DHX34: variants seen among roughly 807,000 people sequenced by gnomAD.
DHX34 encodes the protein probable ATP-dependent RNA helicase DHX34.
DHX34 carries 96 observed loss-of-function variants against 111.1 expected under a neutral mutation model. The ratio of observed to expected loss-of-function variants is 0.86; its 90% CI spans 0.73 to 1.02. The LOEUF (loss-of-function observed/expected upper bound fraction) is 1.02, where lower values mean the gene tolerates loss of function less well. DHX34 is among the 50% of genes least tolerant of loss of function. The pLI is 0.00. For synonymous variants in DHX34, 688 were observed against 670.4 expected (o/e 1.03, Z -0.41); for missense variants, 1,560 against 1,579.9 (o/e 0.99, Z 0.21).
intron 7 of DHX34, among the ~76,000 whole-genome samples, chr19:47,369,157 C>G (rs1447358287): frequency 6.6e-6 from 1 of 152,190 alleles, no homozygotes; most frequent in Middle Eastern, 3.2e-3. Context: ...GGATTGCAGA[C>G]TTGAGCCACC....
At chr19:47,360,868 C>T (rs1393937907) in intron 5 of DHX34, among the ~76,000 whole-genome samples, 1 of 152,004 alleles carries the variant, frequency 6.6e-6, no homozygotes, top group East Asian at 1.9e-4. Flanking sequence ...GATGGGGTTT[C>T]ACCATGTTGG....
rs1299735099 is a variant in DHX34 at position 47,353,684 on chromosome 19, C to T, written c.654C>T (p.Ile218=). Residue 218 remains isoleucine, a synonymous_variant, in exon 2 of 17, where the codon ATC becomes ATT. Coordinates refer to ENST00000328771, the MANE Select transcript of DHX34 (RefSeq NM_014681.6). The surrounding 1 kb of genome is among the most constrained non-coding windows in gnomAD (Gnocchi z 4.6). ...CCCAGCCCCGGCGGATCGCCTGCAT[C>T]TCACTGGCCAAGCGTGTGGGCTTTG... ...ACTQPRRIAC[I]SLAKRVGFES... is the part of the protein sequence containing the mutation. 5 of 1,611,760 alleles carry T rather than the reference C, an allele frequency of 3.1e-6. No individual in the cohort carries two copies. Among genetic ancestry groups the T allele is most frequent in the Non-Finnish European group, 4.2e-6 (5 of 1,179,224 alleles).
chr19:47,354,907 GCC>G (rs1057357994), intron 2 of DHX34, 130 bp from the exon 3 acceptor site: 3 of 1,475,656 alleles, frequency 2.0e-6, no homozygotes, highest in Non-Finnish European at 2.7e-6. Context: ...GCCCGCCTCT[GCC>G]TCCCAAAGTG....
Position 47,353,936 on chromosome 19 carries a change from A to G in DHX34, c.705+201A>G, listed in dbSNP as rs1385335303. ...GCATTAACCAGTGTAGCACTTTAAC[A>G]GCAAAACAATGGGAAATGTCCTAAA... is the stretch of plus-strand genomic sequence containing the variant. On this transcript the variant is annotated intron_variant, in intron 2 of 16. Coordinates refer to ENST00000328771, the MANE Select transcript of DHX34 (RefSeq NM_014681.6). This position sits in a 1 kb window ranked among gnomAD's most constrained non-coding sequence, Gnocchi z 4.6. Among the ~76,000 whole-genome samples the G allele has an allele frequency of 2.6e-5, 4 of 152,210 alleles. No individual in the cohort carries two copies.
Position 47,379,996 on chromosome 19 carries a change from C to G in DHX34, c.2982+11C>G. The G allele has an allele frequency of 6.4e-7, 1 of 1,567,744 alleles. No homozygotes were observed. Among genetic ancestry groups the G allele is most frequent in the South Asian group, 1.2e-5 (1 of 86,158 alleles). On this transcript the variant is annotated intron_variant, in intron 14 of 16. Coordinates refer to ENST00000328771, the MANE Select transcript of DHX34 (RefSeq NM_014681.6). ...TTCACGGCATCCAAGGTACCCTCCACCAGGGTGCCCGTGCCTCCCTATGGC... is the reference window on the plus strand; with the variant it reads ...TTCACGGCATCCAAGGTACCCTCCAGCAGGGTGCCCGTGCCTCCCTATGGC...
intron 6 of DHX34, among the ~76,000 whole-genome samples, chr19:47,365,881 T>C (rs1419900247): frequency 1.3e-5 from 2 of 152,200 alleles, no homozygotes; most frequent in African/African-American, 4.8e-5. Context: ...GGGATTCTTT[T>C]GGTTGTAAGT....
chr19:47,376,712 C>T (rs1487228499), intron 12 of DHX34, 152 bp downstream of exon 12: 2 of 1,432,244 alleles, frequency 1.4e-6, no homozygotes, highest in African/African-American at 2.8e-5. Flanking sequence ...GGCCAGGCCT[C>T]CCTGGGTAGC....
chr19:47,381,145 C>T, intron 15 of DHX34, 41 bp from the exon 16 acceptor site: 1 of 1,607,264 alleles, frequency 6.2e-7, no homozygotes, highest in South Asian at 1.1e-5. Context: ...TGGTGGGTGG[C>T]ACTTGGCGGG....
chr19:47,382,136 C>T lies in DHX34; in HGVS notation c.*23C>T. The T allele has an allele frequency of 6.2e-7, 1 of 1,612,550 alleles. No homozygotes were observed. Among genetic ancestry groups the T allele is most frequent in the Non-Finnish European group, 8.5e-7 (1 of 1,179,334 alleles). On this transcript the variant is annotated 3_prime_UTR_variant, in exon 17 of 17. Transcript: ENST00000328771. ...TGAGCTGGGCCAGGAGCCCTGCCCACCTCCGTGCAGCTGACCTGCCCTCCA... is the reference window on the plus strand; with the variant it reads ...TGAGCTGGGCCAGGAGCCCTGCCCATCTCCGTGCAGCTGACCTGCCCTCCA...
At chr19:47,365,584 T>G (rs575719968) in intron 6 of DHX34, among the ~76,000 whole-genome samples, 1 of 152,224 alleles carries the variant, frequency 6.6e-6, no homozygotes, top group South Asian at 2.1e-4. Context: ...TTGGGTGAAC[T>G]CATAGACGGC....
chr19:47,367,083 G>A lies in DHX34; in HGVS notation c.1696G>A (p.Ala566Thr), dbSNP rs1180859452. 1 of 1,606,784 alleles carries A rather than the reference G, an allele frequency of 6.2e-7. No individual in the cohort carries two copies. ...CATCCTCTACCTCCGGGACCAGGGG[G>A]CCCTGGACAGCTCAGAGGCCCTCAC... The part of the protein sequence containing the change: ...TAILYLRDQG[A>T]LDSSEALTPI... The change falls in exon 7 of 17, where the codon GCC (alanine) becomes ACC (threonine). Residue 566 changes from alanine to threonine, a missense_variant. Physicochemically the swap from Ala to Thr is moderately conservative, Grantham distance 58. Coordinates refer to ENST00000328771, the MANE Select transcript of DHX34 (RefSeq NM_014681.6).
In DHX34 at chr19:47,360,053, G is replaced by A. The variant is rs562895810; in HGVS notation, c.1358G>A (p.Arg453His). The A allele has an allele frequency of 1.9e-6, 3 of 1,613,868 alleles. No homozygotes were observed. The highest frequency in any genetic ancestry group is 1.1e-5 in the South Asian group (1 of 91,084). Reference protein sequence around the residue: ...AETSVTIDGIRFVVDSGKVKE... With the variant: ...AETSVTIDGIHFVVDSGKVKE... ...ACCTCAGTCACCATTGACGGGATCC[G>A]CTTCGTAGTAGATTCCGGTAAGGAC... is the stretch of plus-strand genomic sequence containing the variant. The change falls in exon 5 of 17, where the codon CGC (arginine) becomes CAC (histidine). Residue 453 changes from arginine to histidine, a missense_variant. Transcript: ENST00000328771.
chr19:47,366,869 CG>C, intron 6 of DHX34, 111 bp from the exon 7 acceptor site: 1 of 1,387,138 alleles, frequency 7.2e-7, no homozygotes, highest in Non-Finnish European at 9.4e-7. Context: ...CCACAACGCC[CG>C]GCCAACACTA....
chr19:47,356,332 A>G (rs1479583494), intron 3 of DHX34, among the ~76,000 whole-genome samples: 2 of 152,056 alleles, frequency 1.3e-5, no homozygotes, highest in Non-Finnish European at 2.9e-5. Context: ...CTAAGCAGCC[A>G]TAAAAAAAGA....
At chr19:47,380,124 CACTT>C in intron 14 of DHX34, 139 bp downstream of exon 14, 1 of 1,388,054 alleles carries the variant, frequency 7.2e-7, no homozygotes, top group Non-Finnish European at 9.6e-7. Context: ...GAGGTTCAGT[CACTT>C]ACACAAGGTC....
chr19:47,360,046 G>A lies in DHX34; in HGVS notation c.1351G>A (p.Gly451Arg), dbSNP rs774988211. 5.6e-6 allele frequency: 9 copies of A among 1,613,816 alleles called. No homozygotes were observed. The Admixed American group carries it at 6.7e-5, about 12-fold the overall frequency. Residue 451 changes from glycine (G) to arginine (R), a missense_variant, in exon 5 of 17, where the codon GGG becomes AGG. By Grantham distance (125) the Gly-to-Arg change is moderately radical (BLOSUM62 -2). Coordinates refer to ENST00000328771, the MANE Select transcript of DHX34 (RefSeq NM_014681.6). ...TGCTGAGACCTCAGTCACCATTGAC[G>A]GGATCCGCTTCGTAGTAGATTCCGG... ...NIAETSVTIDGIRFVVDSGKV... is the reference protein window; with the variant it reads ...NIAETSVTIDRIRFVVDSGKV...
rs1445913591 is a variant in DHX34 at position 47,365,268 on chromosome 19, T to C, written c.1594-1713T>C. Among the ~76,000 whole-genome samples the C allele has an allele frequency of 4.7e-5, 7 of 148,964 alleles. No individual in the cohort carries two copies. The South Asian group carries it at 8.5e-4, about 18-fold the overall frequency. ...TATTTATTTATTTATTTATTTATTT[T>C]TGGGACAGAGTCTCACTCTGTCGCC... On this transcript the variant is annotated intron_variant, in intron 6 of 16. Coordinates refer to ENST00000328771, the MANE Select transcript of DHX34 (RefSeq NM_014681.6).
intron 13 of DHX34, 94 bp downstream of exon 13, chr19:47,377,300 C>T: frequency 1.5e-6 from 2 of 1,312,736 alleles, no homozygotes; most frequent in Non-Finnish European, 2.1e-6. Flanking sequence ...TTGGAGGGGC[C>T]ACCTGGCACC....
intron 6 of DHX34, among the ~76,000 whole-genome samples, chr19:47,365,803 C>G (rs150270350): frequency 6.6e-6 from 1 of 152,090 alleles, no homozygotes; most frequent in Non-Finnish European, 1.5e-5. Context: ...CGCCAGACCC[C>G]GGGGTGGACA....
Sources: gnomAD v4.1 joint callset for allele counts (sites outside exome capture counted in the v4.1 genomes callset) on GRCh38, gnomAD v4.1.1 for gene constraint, Gnocchi (gnomAD v3.1) non-coding constraint, MANE v1.5 for transcripts, NCBI Gene and HGNC (gene_info 2026-07-23, HGNC 2026-07-21) for gene names.